The following RALYL variants were observed in gnomAD, a reference collection of about 807,000 sequenced individuals.
The protein encoded by RALYL is RALY RNA binding protein like.
A neutral mutation model predicts 35.1 loss-of-function variants in RALYL; 29 were observed. That is an observed-to-expected ratio of 0.83 (90% CI 0.61 to 1.13). RALYL has a LOEUF of 1.13. Ranked by LOEUF, RALYL falls within the 50% of genes most tolerant of loss-of-function variation. The pLI, the probability that RALYL is intolerant of heterozygous loss-of-function variation, is 0.00. For missense variants in RALYL, 359 were observed against 360.4 expected (o/e 1.00, Z 0.03); for synonymous variants, 120 against 127.6 (o/e 0.94, Z 0.40).
chr8:84,473,881 A>G (rs189415448), intron 1 of RALYL, among the ~76,000 whole-genome samples: 2 of 152,042 alleles, frequency 1.3e-5, no homozygotes, highest in Non-Finnish European at 2.9e-5. Context: ...TAGTATTAAT[A>G]TTACTATACA....
chr8:84,290,618 G>C (rs1256341057), intron 1 of RALYL, among the ~76,000 whole-genome samples: 1 of 152,098 alleles, frequency 6.6e-6, no homozygotes, highest in African/African-American at 2.4e-5. Context: ...TTCTTTTGTG[G>C]TGGAATGTCA....
At chr8:84,642,722 G>T (rs914510034) in intron 2 of RALYL, among the ~76,000 whole-genome samples, 2 of 152,022 alleles carry the variant, frequency 1.3e-5, no homozygotes, top group Non-Finnish European at 2.9e-5. Flanking sequence ...GGTGTCCCTG[G>T]ATTGAATAAG....
In RALYL at chr8:84,904,802, A is replaced by G. The variant is rs543046181; in HGVS notation, c.859-16092A>G. On this transcript the variant is annotated intron_variant, in intron 8 of 8. Transcript: ENST00000521268. Reference sequence around the variant, plus strand: ...TTTAGACTCATAAAATTTTAACCACACTTTTTTTTTATTCCCTTTCTGGTT... The same window carrying G: ...TTTAGACTCATAAAATTTTAACCACGCTTTTTTTTTATTCCCTTTCTGGTT... 3.9e-5 allele frequency among the ~76,000 whole-genome samples: 6 copies of G among 152,074 alleles called. No individual in the cohort carries two copies. The South Asian group carries it at 1.2e-3, about 32-fold the overall frequency.
At chr8:84,358,382 T>G (rs1352561688) in intron 1 of RALYL, among the ~76,000 whole-genome samples, 2 of 151,990 alleles carry the variant, frequency 1.3e-5, no homozygotes, top group Non-Finnish European at 2.9e-5. Flanking sequence ...TTTAGGCTCT[T>G]AGAAGATAAA....
intron 4 of RALYL, among the ~76,000 whole-genome samples, chr8:84,820,093 C>T (rs889900208): frequency 2.0e-5 from 3 of 152,058 alleles, no homozygotes; most frequent in Non-Finnish European, 2.9e-5. Context: ...TCCACTCAAC[C>T]CAGTAACAAT....
chr8:84,705,816 T>G (rs1841101864), intron 2 of RALYL: 8 of 1,032,350 alleles, frequency 7.7e-6, no homozygotes, highest in African/African-American at 1.7e-5. Context: ...CAATTTTCCC[T>G]AGAAGATTTA....
At chr8:84,358,822 T>G (rs1016298759) in intron 1 of RALYL, among the ~76,000 whole-genome samples, 4 of 152,058 alleles carry the variant, frequency 2.6e-5, no homozygotes, top group Non-Finnish European at 4.4e-5. Flanking sequence ...GAAAGACTCT[T>G]GCAGAGATTC....
chr8:84,728,443 T>C (rs535937745), intron 2 of RALYL, among the ~76,000 whole-genome samples: 1,884 of 151,536 alleles, frequency 0.012, 42 homozygotes, highest in African/African-American at 0.043. Context: ...ACTCTGATGG[T>C]AGTTTCTTTT....
At chr8:84,748,544 G>T (rs1809196893) in intron 2 of RALYL, among the ~76,000 whole-genome samples, 1 of 151,980 alleles carries the variant, frequency 6.6e-6, no homozygotes, top group African/African-American at 2.4e-5. Flanking sequence ...GCTATATATT[G>T]TCTTGAAAGT....
chr8:84,784,725 T>C (rs973221163), intron 3 of RALYL, among the ~76,000 whole-genome samples: 11 of 152,152 alleles, frequency 7.2e-5, no homozygotes, highest in East Asian at 3.9e-4. Context: ...ATTCTTCTGA[T>C]GGAATTATAA....
intron 2 of RALYL, among the ~76,000 whole-genome samples, chr8:84,607,188 C>A (rs1817330995): frequency 6.6e-6 from 1 of 151,864 alleles, no homozygotes. Context: ...CCTTTTCTTC[C>A]TGCTTCTTTC....
In RALYL at chr8:84,651,030, A is replaced by G. The variant is rs578107863; in HGVS notation, c.256+121453A>G. 3.9e-5 allele frequency among the ~76,000 whole-genome samples: 6 copies of G among 151,960 alleles called. No homozygotes were observed. The East Asian group carries it at 7.8e-4, about 20-fold the overall frequency. On this transcript the variant is annotated intron_variant, in intron 2 of 8. Transcript: ENST00000521268. Reference sequence around the variant, plus strand: ...GGTGGGAATTGAACAATGAGAACACATGGACACAGGAAGGGGAACATCACA... The same window carrying G: ...GGTGGGAATTGAACAATGAGAACACGTGGACACAGGAAGGGGAACATCACA...
intron 1 of RALYL, among the ~76,000 whole-genome samples, chr8:84,439,719 AAC>A (rs1587280443): frequency 3.3e-5 from 5 of 152,188 alleles, no homozygotes. Flanking sequence ...TAGTAATTAA[AAC>A]ACAGTTCAGT....
At chr8:84,192,484 CAG>C (rs2130885580) in intron 1 of RALYL, among the ~76,000 whole-genome samples, 1 of 151,952 alleles carries the variant, frequency 6.6e-6, no homozygotes, top group South Asian at 2.1e-4. Flanking sequence ...GGCTAGAAAA[CAG>C]ATGATATTAG....
At chr8:84,822,607 T>C (rs1386804239) in intron 4 of RALYL, among the ~76,000 whole-genome samples, 1 of 152,158 alleles carries the variant, frequency 6.6e-6, no homozygotes, top group Non-Finnish European at 1.5e-5. Context: ...TTTCCTTCCA[T>C]ATTACAAAGA....
At chr8:84,814,892 T>C (rs956546121) in intron 4 of RALYL, among the ~76,000 whole-genome samples, 5 of 152,228 alleles carry the variant, frequency 3.3e-5, no homozygotes, top group Non-Finnish European at 7.3e-5. Flanking sequence ...TCATCCCAAG[T>C]GTGATTCTGT....
intron 1 of RALYL, among the ~76,000 whole-genome samples, chr8:84,231,531 G>A (rs117808004): frequency 0.015 from 2,213 of 152,264 alleles, 26 homozygotes; most frequent in Non-Finnish European, 0.021. Flanking sequence ...GCCACACTGG[G>A]AAGAAGAAAA....
At chr8:84,790,412 C>T (rs1343076506) in intron 3 of RALYL, among the ~76,000 whole-genome samples, 1 of 152,188 alleles carries the variant, frequency 6.6e-6, no homozygotes, top group East Asian at 1.9e-4. Context: ...ATCATGGGAT[C>T]TGAAGCCTGG....
chr8:84,864,671 C>A (rs1288504285), intron 6 of RALYL: 15 of 415,926 alleles, frequency 3.6e-5, no homozygotes, highest in Non-Finnish European at 2.7e-5. Flanking sequence ...GGGATTACTG[C>A]AGAGAGACAG....
Sources: allele counts gnomAD v4.1 joint callset (sites outside exome capture counted in the v4.1 genomes callset), GRCh38; gene constraint gnomAD v4.1.1; transcripts MANE v1.5; gene names NCBI Gene and HGNC (gene_info 2026-07-23, HGNC 2026-07-21).